The following NXPH2 variants were observed in gnomAD, a reference collection of about 807,000 sequenced individuals.
NXPH2 encodes neurexophilin-2.
In NXPH2, 5 loss-of-function variants were observed where a neutral mutation model predicts 19.8. The observed-to-expected ratio is 0.25, with a 90% CI of 0.13 to 0.53. The LOEUF (loss-of-function observed/expected upper bound fraction) is 0.53. NXPH2 is among the 20% of genes least tolerant of loss of function. The pLI, the probability that NXPH2 is intolerant of heterozygous loss-of-function variation, is 0.96. For missense variants in NXPH2, 289 were observed against 322.8 expected (o/e 0.90, Z 0.80); for synonymous variants, 154 against 127.4 (o/e 1.21, Z -1.41).
chr2:138,753,321 G>T (rs975204628), intron 1 of NXPH2, among the ~76,000 whole-genome samples: 12 of 152,228 alleles, frequency 7.9e-5, no homozygotes, highest in Admixed American at 6.5e-4. Flanking sequence ...GACAGTGAGG[G>T]TTTGCTTGTG....
intron 1 of NXPH2, among the ~76,000 whole-genome samples, chr2:138,681,240 T>C (rs72860160): frequency 0.084 from 12,791 of 152,284 alleles, 794 homozygotes; most frequent in Non-Finnish European, 0.11. Context: ...TTTATGTTTA[T>C]AGGTGTGTTA....
In NXPH2 at chr2:138,677,015, TA is replaced by T. The variant is rs1215119968; in HGVS notation, c.52-5351del. 2.6e-5 allele frequency among the ~76,000 whole-genome samples: 4 copies of T among 152,326 alleles called. No homozygotes were observed. In the East Asian group the frequency reaches 7.7e-4, roughly 29 times the overall value. On this transcript the variant is annotated intron_variant, in intron 1 of 1. Transcript: ENST00000272641. ...GAATCAGCAAAGGGAGCTGAGAATA[TA>T]AAGTGTCTGGCAGGTGCCCTCATTC...
At chr2:138,752,426 T>C (rs1681841591) in intron 1 of NXPH2, among the ~76,000 whole-genome samples, 1 of 152,168 alleles carries the variant, frequency 6.6e-6, no homozygotes, top group South Asian at 2.1e-4. Flanking sequence ...CTGAGACATG[T>C]ACAACCTCAT....
At chr2:138,683,420 G>C (rs781180511) in intron 1 of NXPH2, among the ~76,000 whole-genome samples, 1 of 152,216 alleles carries the variant, frequency 6.6e-6, no homozygotes, top group Admixed American at 6.5e-5. Flanking sequence ...GTGAGGAATA[G>C]TAATGCCAGA....
intron 1 of NXPH2, among the ~76,000 whole-genome samples, chr2:138,734,711 G>C (rs1681512915): frequency 6.6e-6 from 1 of 152,138 alleles, no homozygotes; most frequent in South Asian, 2.1e-4. Context: ...TGGCTGATGG[G>C]GTATGGAAAA....
intron 1 of NXPH2, among the ~76,000 whole-genome samples, chr2:138,675,269 A>C (rs73961503): frequency 2.1e-4 from 32 of 152,064 alleles, no homozygotes; most frequent in African/African-American, 7.7e-4. Flanking sequence ...TGTTTCCCTA[A>C]ATTTTTTTCT....
intron 1 of NXPH2, among the ~76,000 whole-genome samples, chr2:138,749,331 G>A (rs929938876): frequency 1.3e-5 from 2 of 152,020 alleles, no homozygotes; most frequent in African/African-American, 4.8e-5. Flanking sequence ...CTCTTTCCTT[G>A]TCTTGGGCAG....
intron 1 of NXPH2, among the ~76,000 whole-genome samples, chr2:138,690,214 C>A (rs1429366723): frequency 6.6e-6 from 1 of 152,184 alleles, no homozygotes; most frequent in African/African-American, 2.4e-5. Context: ...ATACCTCCCT[C>A]ATTTTCACTC....
chr2:138,760,539 C>G (rs965432322), intron 1 of NXPH2, among the ~76,000 whole-genome samples: 6 of 152,194 alleles, frequency 3.9e-5, no homozygotes, highest in African/African-American at 1.4e-4. Context: ...CATCAAAAAT[C>G]ATAACGTGTG....
chr2:138,754,273 C>A (rs567420410), intron 1 of NXPH2, among the ~76,000 whole-genome samples: 1 of 152,222 alleles, frequency 6.6e-6, no homozygotes, highest in South Asian at 2.1e-4. Flanking sequence ...CATCACATAT[C>A]CACCATTAGA....
intron 1 of NXPH2, among the ~76,000 whole-genome samples, chr2:138,755,991 G>A (rs1349535649): frequency 6.6e-6 from 1 of 151,882 alleles, no homozygotes; most frequent in African/African-American, 2.4e-5. Context: ...TGGTATACAG[G>A]AAACAAATGA....
chr2:138,776,624 T>TC (rs1195980940), intron 1 of NXPH2, among the ~76,000 whole-genome samples: 1 of 151,588 alleles, frequency 6.6e-6, no homozygotes, highest in Admixed American at 6.6e-5. Context: ...GTGTTTTTTT[T>TC]TTTTTTTCCT....
At chr2:138,724,753 G>T (rs755242839) in intron 1 of NXPH2, among the ~76,000 whole-genome samples, 6 of 152,208 alleles carry the variant, frequency 3.9e-5, no homozygotes, top group Non-Finnish European at 8.8e-5. Context: ...CCAAATGTGT[G>T]TCTGTTAGTA....
intron 1 of NXPH2, among the ~76,000 whole-genome samples, chr2:138,726,541 C>T (rs1408670856): frequency 6.6e-6 from 1 of 151,868 alleles, no homozygotes; most frequent in African/African-American, 2.4e-5. Flanking sequence ...CACACACACA[C>T]ACACACACAC....
intron 1 of NXPH2, among the ~76,000 whole-genome samples, chr2:138,706,581 G>A (rs1558918279): frequency 1.3e-5 from 2 of 152,094 alleles, no homozygotes; most frequent in South Asian, 4.1e-4. Flanking sequence ...TTATTAGATA[G>A]GCTGATGAAT....
At chr2:138,722,502 C>A (rs1340346349) in intron 1 of NXPH2, among the ~76,000 whole-genome samples, 5 of 152,204 alleles carry the variant, frequency 3.3e-5, no homozygotes, top group Admixed American at 3.3e-4. Context: ...CTGACCAGAG[C>A]AACAGGAAGC....
intron 1 of NXPH2, among the ~76,000 whole-genome samples, chr2:138,727,029 G>T (rs1471285849): frequency 6.6e-6 from 1 of 152,170 alleles, no homozygotes; most frequent in African/African-American, 2.4e-5. Flanking sequence ...GAATCATATA[G>T]TAGAATGTAG....
Position 138,780,199 on chromosome 2 carries a change from G to A in NXPH2, c.43C>T (p.Leu15=), listed in dbSNP as rs1231520243. Reference sequence around the variant, plus strand: ...GCGGGCCGGGCACTCACCAGCTGCAGCAAGCCAGGGACCACCACGAGGGGC... The same window carrying A: ...GCGGGCCGGGCACTCACCAGCTGCAACAAGCCAGGGACCACCACGAGGGGC... The part of the protein sequence containing the change: ...PLPLVVVPGL[L]QLLFCDSKEV... Residue 15 remains leucine, a synonymous_variant, in exon 1 of 2, where the codon CTG becomes TTG. Transcript: ENST00000272641. The A allele has an allele frequency of 1.3e-6, 2 of 1,489,736 alleles. No individual in the cohort carries two copies. Among genetic ancestry groups the A allele is most frequent in the East Asian group, 2.8e-5 (1 of 35,286 alleles). The allele number at this position is 1,489,736 out of a possible 1,614,324, so 92.3% of individuals were successfully genotyped here. A position where few individuals can be genotyped will look rare whatever the true frequency, so the allele number is the denominator to read the frequency against.
chr2:138,710,514 C>A lies in NXPH2; in HGVS notation c.52-38849G>T, dbSNP rs532436808. Among the ~76,000 whole-genome samples the A allele has an allele frequency of 1.2e-4, 18 of 152,254 alleles. No homozygotes were observed. The East Asian group carries it at 2.5e-3, about 21-fold the overall frequency. On this transcript the variant is annotated intron_variant, in intron 1 of 1. Transcript: ENST00000272641. ...TTTTTTCAGCAACTCCACTATTTTA[C>A]ATTCCCACCAACAACACACAAGGGT...
Sources: allele counts gnomAD v4.1 joint callset (sites outside exome capture counted in the v4.1 genomes callset), GRCh38; gene constraint gnomAD v4.1.1; transcripts MANE v1.5; gene names NCBI Gene and HGNC (gene_info 2026-07-23, HGNC 2026-07-21).